The following HMGCLL1 variants were observed in gnomAD, a reference collection of about 807,000 sequenced individuals.
HMGCLL1 encodes the protein 3-hydroxy-3-methylglutaryl-CoA lyase like 1.
A neutral mutation model predicts 39.1 loss-of-function variants in HMGCLL1; 36 were observed. The observed-to-expected ratio is 0.92, with a 90% CI of 0.71 to 1.22. HMGCLL1 has a LOEUF of 1.22. Ranked by LOEUF, HMGCLL1 falls within the 50% of genes most tolerant of loss-of-function variation. HMGCLL1 has a pLI of 0.00. For missense variants in HMGCLL1, 451 were observed against 416.5 expected, an observed-to-expected ratio of 1.08 and a Z score of -0.72; for synonymous variants, 149 against 144.0, an observed-to-expected ratio of 1.03 and a Z score of -0.25.
At chr6:55,516,197 G>A (rs149727969) in intron 4 of HMGCLL1, among the ~76,000 whole-genome samples, 2,202 of 152,134 alleles carry the variant, frequency 0.014, 32 homozygotes, top group Non-Finnish European at 0.025. Context: ...ATTGAAAAAT[G>A]CTTAAATAGT....
intron 5 of HMGCLL1, chr6:55,513,765 A>G: frequency 2.4e-6 from 1 of 410,908 alleles, no homozygotes; most frequent in Non-Finnish European, 4.2e-6. Context: ...AGAGGGCTGC[A>G]TTTGGGTGCT....
chr6:55,657,115 A>G, the HMGCLL1 span, among the ~76,000 whole-genome samples: 20 of 151,872 alleles, frequency 1.3e-4, no homozygotes, highest in African/African-American at 4.4e-4. Flanking sequence ...TGTCAGATGC[A>G]TAGTTTGCAA....
intron 1 of HMGCLL1, among the ~76,000 whole-genome samples, chr6:55,573,933 G>C (rs1771639867): frequency 6.6e-6 from 1 of 151,922 alleles, no homozygotes; most frequent in Non-Finnish European, 1.5e-5. Flanking sequence ...AAAGATAAAA[G>C]AATGAAAGAT....
chr6:55,667,799 T>C, the HMGCLL1 span, among the ~76,000 whole-genome samples: 1 of 151,866 alleles, frequency 6.6e-6, no homozygotes, highest in Non-Finnish European at 1.5e-5. Flanking sequence ...TCTAGGAATA[T>C]GAACAGATGA....
the HMGCLL1 span, among the ~76,000 whole-genome samples, chr6:55,668,950 A>C: frequency 6.6e-6 from 1 of 151,652 alleles, no homozygotes; most frequent in Non-Finnish European, 1.5e-5. Context: ...TGTCTTCAAA[A>C]GGGTGAGGAC....
At chr6:55,622,254 C>T in the HMGCLL1 span, among the ~76,000 whole-genome samples, 2 of 151,942 alleles carry the variant, frequency 1.3e-5, no homozygotes, top group African/African-American at 2.4e-5. Context: ...AATTTGGATG[C>T]CCTTTATTTC....
chr6:55,552,408 A>G (rs2127465266), intron 1 of HMGCLL1, among the ~76,000 whole-genome samples: 1 of 152,142 alleles, frequency 6.6e-6, no homozygotes, highest in African/African-American at 2.4e-5. Context: ...AGAAACTATT[A>G]TCTAAATTCA....
At chr6:55,675,022 C>A in the HMGCLL1 span, among the ~76,000 whole-genome samples, 2 of 152,054 alleles carry the variant, frequency 1.3e-5, no homozygotes, top group Admixed American at 1.3e-4. Context: ...CATACTGATA[C>A]ATGCTGGAAG....
chr6:55,491,716 A>T (rs529220945), intron 7 of HMGCLL1, among the ~76,000 whole-genome samples: 1 of 152,126 alleles, frequency 6.6e-6, no homozygotes, highest in African/African-American at 2.4e-5. Flanking sequence ...AAAAATTCAG[A>T]TAAGTTTATT....
At chr6:55,549,604 T>C (rs183222517) in intron 1 of HMGCLL1, among the ~76,000 whole-genome samples, 1 of 152,002 alleles carries the variant, frequency 6.6e-6, no homozygotes, top group East Asian at 1.9e-4. Context: ...TTAAAATGCA[T>C]AAATTGTCAG....
upstream of HMGCLL1, chr6:55,579,356 G>C (rs964340830): frequency 2.1e-6 from 1 of 483,420 alleles, no homozygotes; most frequent in African/African-American, 2.0e-5. Flanking sequence ...CTCATTTTCC[G>C]CACTACACTG....
chr6:55,516,098 G>A (rs914001275), intron 4 of HMGCLL1, among the ~76,000 whole-genome samples: 1 of 151,624 alleles, frequency 6.6e-6, no homozygotes, highest in Non-Finnish European at 1.5e-5. Flanking sequence ...TCACCCAGAG[G>A]GAGAAAATAA....
At chr6:55,547,365 T>C (rs1770039980) in intron 1 of HMGCLL1, among the ~76,000 whole-genome samples, 1 of 151,974 alleles carries the variant, frequency 6.6e-6, no homozygotes, top group South Asian at 2.1e-4. Context: ...TTCTCAGCAG[T>C]AATAATGGAT....
intron 7 of HMGCLL1, among the ~76,000 whole-genome samples, chr6:55,448,335 T>C (rs1763943565): frequency 6.7e-6 from 1 of 148,932 alleles, no homozygotes; most frequent in African/African-American, 2.4e-5. Flanking sequence ...AATATAAATA[T>C]ATAAATATAT....
In HMGCLL1 at chr6:55,495,418, C is replaced by G; in HGVS notation, c.795+1G>C. On this transcript the variant is annotated splice_donor_variant, in intron 7 of 8. Transcript: ENST00000274901. LOFTEE classifies it high-confidence loss of function. ...CATAACACACAAAGAGTACAAAATA[C>G]CTGAAGGGCCGTAAGGATATTTGCT... is the stretch of plus-strand genomic sequence containing the variant. 1 of 1,612,024 alleles carries G rather than the reference C, an allele frequency of 6.2e-7. No homozygotes were observed. Among genetic ancestry groups the G allele is most frequent in the Non-Finnish European group, 8.5e-7 (1 of 1,178,918 alleles).
chr6:55,493,036 A>T (rs545310778), intron 7 of HMGCLL1, among the ~76,000 whole-genome samples: 1 of 150,482 alleles, frequency 6.6e-6, no homozygotes, highest in Admixed American at 6.7e-5. Context: ...TTCCTTAAAA[A>T]ATATATTTAT....
At chr6:55,654,214 C>A in the HMGCLL1 span, among the ~76,000 whole-genome samples, 1 of 151,760 alleles carries the variant, frequency 6.6e-6, no homozygotes, top group African/African-American at 2.4e-5. Flanking sequence ...AATATATAAT[C>A]CTATGAAAGG....
intron 5 of HMGCLL1, among the ~76,000 whole-genome samples, chr6:55,502,942 C>CT (rs1766968345): frequency 6.7e-6 from 1 of 149,946 alleles, no homozygotes; most frequent in Admixed American, 6.7e-5. Context: ...AACTTATAAT[C>CT]TTTTTCAGAT....
intron 1 of HMGCLL1, among the ~76,000 whole-genome samples, chr6:55,565,366 G>A (rs1480266041): frequency 1.3e-5 from 2 of 152,066 alleles, no homozygotes; most frequent in Non-Finnish European, 2.9e-5. Flanking sequence ...ACTTGGTAAA[G>A]AGGAGTTAGT....
Sources: gnomAD v4.1 joint callset for allele counts (sites outside exome capture counted in the v4.1 genomes callset) on GRCh38, gnomAD v4.1.1 for gene constraint, MANE v1.5 for transcripts, NCBI Gene and HGNC (gene_info 2026-07-23, HGNC 2026-07-21) for gene names.